MTUS1: variants seen among roughly 807,000 people sequenced by gnomAD.
MTUS1 encodes microtubule-associated tumor suppressor 1.
Under a neutral mutation model 120.8 loss-of-function variants are expected in MTUS1, and 109 were observed. That is an observed-to-expected ratio of 0.90 (90% CI 0.77 to 1.06). MTUS1 has a LOEUF of 1.06. Among genes scored for constraint, MTUS1 ranks in the 50% least tolerant of loss-of-function variants. MTUS1 has a pLI of 0.00. For missense variants in MTUS1, 2,210 were observed against 1,486.3 expected (o/e 1.49, Z -8.01); for synonymous variants, 737 against 550.5 (o/e 1.34, Z -4.74).
At chr8:17,676,413 C>G in intron 7 of MTUS1, 1 of 699,092 alleles carries the variant, frequency 1.4e-6, no homozygotes, top group Non-Finnish European at 2.6e-6. Flanking sequence ...CCAGTCGGGT[C>G]TGTCTACATT....
At chr8:17,697,494 C>G (rs1818222420) in intron 6 of MTUS1, 2 of 1,443,344 alleles carry the variant, frequency 1.4e-6, no homozygotes, top group Admixed American at 2.2e-5. Flanking sequence ...AGGAAAGATG[C>G]CTACACAGCA....
intron 4 of MTUS1, chr8:17,722,644 C>G: frequency 1.2e-6 from 1 of 823,274 alleles, no homozygotes; most frequent in Non-Finnish European, 1.5e-6. Flanking sequence ...TAATTCAATG[C>G]CTTCTCTACA....
intron 6 of MTUS1, 53 bp from the exon 7 acceptor site, chr8:17,684,595 TCAC>T (rs1815362170): frequency 2.1e-6 from 3 of 1,422,930 alleles, no homozygotes; most frequent in African/African-American, 2.8e-5. Flanking sequence ...ATTTTTAAAA[TCAC>T]CACCACAAGG....
At chr8:17,783,819 G>C (rs143615060) in intron 1 of MTUS1, among the ~76,000 whole-genome samples, 1 of 152,080 alleles carries the variant, frequency 6.6e-6, no homozygotes, top group East Asian at 1.9e-4. Flanking sequence ...CATCCTTAAC[G>C]GCAATCTGAG....
chr8:17,710,527 T>C (rs77674117), intron 6 of MTUS1, among the ~76,000 whole-genome samples: 6,668 of 152,276 alleles, frequency 0.044, 304 homozygotes, highest in South Asian at 0.16. Context: ...CTAGTTCTCA[T>C]CCTATTTCTA....
chr8:17,742,311 T>TTTTTTTTTTTTTTTTTTTA (rs1554516969), intron 3 of MTUS1, among the ~76,000 whole-genome samples: 3 of 139,538 alleles, frequency 2.1e-5, no homozygotes, highest in Admixed American at 7.0e-5. Context: ...TTTTTTTTTT[T>TTTTTTTTTTTTTTTTTTTA]AGAGATAGTG....
intron 7 of MTUS1, among the ~76,000 whole-genome samples, chr8:17,676,776 G>T (rs1029321063): frequency 1.4e-4 from 21 of 152,060 alleles, no homozygotes; most frequent in African/African-American, 4.4e-4. Flanking sequence ...AGGGAAACTT[G>T]TTCTTCGAAG....
Position 17,743,780 on chromosome 8 carries a change from G to A in MTUS1, c.2111C>T (p.Thr704Met), listed in dbSNP as rs754778034. 1.9e-5 allele frequency: 30 copies of A among 1,613,666 alleles called. No homozygotes were observed. The highest frequency in any genetic ancestry group is 7.7e-5 in the South Asian group (7 of 91,062). Residue 704 changes from threonine to methionine, a missense_variant, in exon 3 of 15, where the codon ACG becomes ATG. Transcript: ENST00000693296. ...SLFLGSASKT[T>M]TTSGRNISKP... is the part of the protein sequence containing the mutation. ...GGATATATTCCTACCTGAGGTGGTC[G>A]TTGTTTTTGAAGCAGAGCCCTGTGA...
chr8:17,793,732 A>G (rs540534379), intron 1 of MTUS1, among the ~76,000 whole-genome samples: 9 of 152,304 alleles, frequency 5.9e-5, no homozygotes, highest in African/African-American at 2.2e-4. Context: ...TTTGGTGAGA[A>G]GGAAAAGGGT....
chr8:17,655,063 C>G (rs1307511376), intron 9 of MTUS1: 1 of 186,378 alleles, frequency 5.4e-6, no homozygotes, highest in Non-Finnish European at 1.1e-5. Flanking sequence ...CTGCATCAGT[C>G]ACAAGGAATG....
chr8:17,653,713 T>G (rs1807563364), intron 10 of MTUS1: 1 of 465,848 alleles, frequency 2.1e-6, no homozygotes, highest in Non-Finnish European at 3.7e-6. Flanking sequence ...CTGAGAGCCC[T>G]GAGGCCCACT....
intron 4 of MTUS1, among the ~76,000 whole-genome samples, chr8:17,721,320 T>C (rs388358): frequency 0.04 from 6,162 of 152,330 alleles, 164 homozygotes; most frequent in Non-Finnish European, 0.064. Context: ...CAGTTACAAC[T>C]TAGGAAAATA....
rs1805511519 is a variant in MTUS1 at position 17,645,017 on chromosome 8, G to A, written c.*909C>T. 1 of 151,820 alleles carries A rather than the reference G, an allele frequency of 6.6e-6. No homozygotes were observed. Among genetic ancestry groups the A allele is most frequent in the South Asian group, 2.1e-4 (1 of 4,750 alleles). The allele number at this position is 151,820 out of a possible 1,614,324, so 9.4% of individuals were successfully genotyped here. On this transcript the variant is annotated 3_prime_UTR_variant, in exon 15 of 15. Coordinates refer to ENST00000693296, the MANE Select transcript of MTUS1 (RefSeq NM_001363059.2). ...GGTAGATCAAAGGTAAAAATAAGGT[G>A]GAAAAACCCATTGGTACTTCCCTTT... is the stretch of plus-strand genomic sequence containing the variant.
intron 8 of MTUS1, 143 bp from the exon 9 acceptor site, chr8:17,656,208 A>G (rs1019525969): frequency 1.9e-5 from 14 of 736,162 alleles, no homozygotes; most frequent in South Asian, 5.2e-5. Flanking sequence ...GTCTTCAAAT[A>G]TAACAGTATG....
chr8:17,690,498 T>C (rs7845774), intron 6 of MTUS1, among the ~76,000 whole-genome samples: 28,661 of 152,098 alleles, frequency 0.19, 2,787 homozygotes, highest in Admixed American at 0.27. Flanking sequence ...GAACTAAAAA[T>C]AGAACTACCA....
At position 17,793,133 on chromosome 8, in the gene MTUS1, G is replaced by A. The variant is rs546251906; in HGVS notation, c.-155+7928C>T. Among the ~76,000 whole-genome samples, 7 of 152,318 alleles carry A rather than the reference G, an allele frequency of 4.6e-5. No individual in the cohort carries two copies. In the East Asian group the frequency reaches 9.6e-4, roughly 21 times the overall value. On this transcript the variant is annotated intron_variant, in intron 1 of 14. Coordinates refer to ENST00000693296, the MANE Select transcript of MTUS1 (RefSeq NM_001363059.2). ...TAGTCAAAAGAAATTGTCAACTTGC[G>A]ATTGTCTGCACGAATAGGGAATGTC...
intron 1 of MTUS1, among the ~76,000 whole-genome samples, chr8:17,784,702 C>T (rs1563389012): frequency 6.6e-6 from 1 of 152,114 alleles, no homozygotes; most frequent in Non-Finnish European, 1.5e-5. Context: ...CGAGAAGTTC[C>T]GTGGCTACAG....
chr8:17,755,301 G>A lies in MTUS1; in HGVS notation c.507C>T (p.Asn169=). Residue 169 remains asparagine (N), a synonymous_variant, in exon 2 of 15, where the codon AAC becomes AAT. Transcript: ENST00000693296. ...TGGCATGATGTGATATAAAGGTGCA[G>A]TTAACTTTATCCACTGTCATGTCAA... ...QTFDMTVDKV[N]CTFISHHAIG... 6.2e-7 allele frequency: 1 copy of A among 1,614,174 alleles called. No homozygotes were observed. The highest frequency in any genetic ancestry group is 8.5e-7 in the Non-Finnish European group (1 of 1,180,018).
intron 1 of MTUS1, among the ~76,000 whole-genome samples, chr8:17,791,258 C>A (rs1244053160): frequency 6.6e-6 from 1 of 152,144 alleles, no homozygotes; most frequent in Non-Finnish European, 1.5e-5. Flanking sequence ...GTGATCAGTT[C>A]TTAATATCAT....
Sources: allele counts gnomAD v4.1 joint callset (sites outside exome capture counted in the v4.1 genomes callset), GRCh38; gene constraint gnomAD v4.1.1; transcripts MANE v1.5; gene names NCBI Gene and HGNC (gene_info 2026-07-23, HGNC 2026-07-21).